Variants in WWP2 observed in about 807,000 individuals in gnomAD.
WWP2 encodes NEDD4-like E3 ubiquitin-protein ligase WWP2.
In WWP2, 57 loss-of-function variants were observed where a neutral mutation model predicts 121.0. That is an observed-to-expected ratio of 0.47 (90% CI 0.38 to 0.59). WWP2 has a LOEUF of 0.59. Among genes scored for constraint, WWP2 ranks in the 20% least tolerant of loss-of-function variants. WWP2 has a pLI of 0.00. For missense variants in WWP2, 962 were observed against 1,158.9 expected (o/e 0.83, Z 2.47); for synonymous variants, 449 against 441.3 (o/e 1.02, Z -0.22).
At chr16:69,859,949 G>A (rs2057386847) in intron 6 of WWP2, among the ~76,000 whole-genome samples, 1 of 150,770 alleles carries the variant, frequency 6.6e-6, no homozygotes, top group African/African-American at 2.4e-5. Flanking sequence ...ACTCAAGGGT[G>A]TGGCACCTTG....
chr16:69,865,716 T>C (rs2057509062), intron 6 of WWP2, among the ~76,000 whole-genome samples: 1 of 152,262 alleles, frequency 6.6e-6, no homozygotes, highest in Non-Finnish European at 1.5e-5. Context: ...GTTTGTTACA[T>C]GTGTCCCTTG....
intron 18 of WWP2, 102 bp from the exon 19 acceptor site, chr16:69,936,210 A>G: frequency 6.4e-7 from 1 of 1,551,918 alleles, no homozygotes; most frequent in Non-Finnish European, 8.8e-7. Flanking sequence ...TCAGGATTCT[A>G]GGCCACCTGT....
intron 6 of WWP2, among the ~76,000 whole-genome samples, chr16:69,860,519 TG>T (rs1349340443): frequency 6.6e-6 from 1 of 152,212 alleles, no homozygotes; most frequent in African/African-American, 2.4e-5. Flanking sequence ...GACTGAGATT[TG>T]GCCTAGGAAT....
chr16:69,898,497 A>G (rs1236681309), intron 8 of WWP2, among the ~76,000 whole-genome samples: 2 of 152,214 alleles, frequency 1.3e-5, no homozygotes. Context: ...GGTTCGTTTC[A>G]TGTGGGCCAG....
chr16:69,808,223 A>G (rs2056319985), intron 4 of WWP2, among the ~76,000 whole-genome samples: 1 of 151,340 alleles, frequency 6.6e-6, no homozygotes, highest in Non-Finnish European at 1.5e-5. Flanking sequence ...TTCATTTTAT[A>G]TCTTTGAGAT....
chr16:69,893,875 C>T (rs1235313930), intron 8 of WWP2, among the ~76,000 whole-genome samples: 9 of 151,962 alleles, frequency 5.9e-5, no homozygotes, highest in Non-Finnish European at 1.5e-5. Flanking sequence ...CATAAAGGAT[C>T]GCTCTTCCTG....
At chr16:69,847,034 C>CA in intron 6 of WWP2, among the ~76,000 whole-genome samples, 1 of 152,100 alleles carries the variant, frequency 6.6e-6, no homozygotes, top group Non-Finnish European at 1.5e-5. Context: ...GCTGGGACTA[C>CA]AGGTGTGTGC....
chr16:69,762,945 C>G, intron 1 of WWP2, among the ~76,000 whole-genome samples: 1 of 152,160 alleles, frequency 6.6e-6, no homozygotes, highest in Non-Finnish European at 1.5e-5. Context: ...CGTCTTGCTT[C>G]CCTCGCGCCC....
chr16:69,870,640 A>G (rs955134463), intron 6 of WWP2, among the ~76,000 whole-genome samples: 41 of 152,264 alleles, frequency 2.7e-4, no homozygotes, highest in African/African-American at 8.9e-4. Flanking sequence ...CCCATGTTGC[A>G]TGGTACAAAT....
At position 69,857,013 on chromosome 16, in the gene WWP2, G is replaced by A. The variant is rs541827453; in HGVS notation, c.576-14791G>A. The stretch of plus-strand genomic sequence containing the variant: ...CTGTCACAGTTCATTTATGTTTCTC[G>A]TGATTCTTGATATCTTTAGAGTTGT... On this transcript the variant is annotated intron_variant, in intron 6 of 23. Transcript: ENST00000359154. 5.3e-5 allele frequency among the ~76,000 whole-genome samples: 8 copies of A among 152,090 alleles called. No homozygotes were observed. In the South Asian group the frequency reaches 8.3e-4, roughly 16 times the overall value.
chr16:69,924,095 T>C (rs2058603799), intron 10 of WWP2, among the ~76,000 whole-genome samples: 3 of 152,260 alleles, frequency 2.0e-5, no homozygotes, highest in Admixed American at 6.5e-5. Context: ...GGCCCTGCCC[T>C]GAAAGGGGGC....
chr16:69,857,384 C>T (rs1321647364), intron 6 of WWP2, among the ~76,000 whole-genome samples: 5 of 152,116 alleles, frequency 3.3e-5, no homozygotes, highest in Non-Finnish European at 7.4e-5. Flanking sequence ...TGAGCCACCA[C>T]GCCTGGCGTA....
chr16:69,939,556 C>A, intron 23 of WWP2, 143 bp downstream of exon 23: 1 of 789,688 alleles, frequency 1.3e-6, no homozygotes, highest in Non-Finnish European at 2.0e-6. Flanking sequence ...AGAGATGGGG[C>A]TGTGATGGGC....
chr16:69,930,901 G>T (rs1173171972), intron 13 of WWP2, among the ~76,000 whole-genome samples: 1 of 152,140 alleles, frequency 6.6e-6, no homozygotes, highest in Non-Finnish European at 1.5e-5. Context: ...TAAATAAGAT[G>T]GGATGGGGAG....
intron 6 of WWP2, among the ~76,000 whole-genome samples, chr16:69,869,233 G>A (rs2151913203): frequency 6.6e-6 from 1 of 152,106 alleles, no homozygotes; most frequent in South Asian, 2.1e-4. Context: ...AAGTTAAGGT[G>A]GAAAAAGAGA....
chr16:69,824,113 G>A (rs1404296394), intron 4 of WWP2, among the ~76,000 whole-genome samples: 1 of 152,242 alleles, frequency 6.6e-6, no homozygotes, highest in East Asian at 1.9e-4. Flanking sequence ...CTCCGCACCA[G>A]TCATTCGGGC....
chr16:69,913,224 G>A (rs1285749305), intron 9 of WWP2, among the ~76,000 whole-genome samples: 1 of 150,294 alleles, frequency 6.7e-6, no homozygotes, highest in Non-Finnish European at 1.5e-5. Flanking sequence ...GTAGAGATGG[G>A]GTTTCACCAT....
intron 9 of WWP2, among the ~76,000 whole-genome samples, chr16:69,914,460 A>G (rs182727926): frequency 3.9e-5 from 6 of 152,210 alleles, no homozygotes; most frequent in Non-Finnish European, 7.4e-5. Flanking sequence ...CACAATTCCG[A>G]TGGAAAATGA....
At chr16:69,848,922 G>C (rs1263239601) in intron 6 of WWP2, among the ~76,000 whole-genome samples, 4 of 152,150 alleles carry the variant, frequency 2.6e-5, no homozygotes, top group African/African-American at 9.7e-5. Flanking sequence ...GAGCCTCTTA[G>C]ATAGTTTTCT....
Sources: gnomAD v4.1 joint callset for allele counts (sites outside exome capture counted in the v4.1 genomes callset) on GRCh38, gnomAD v4.1.1 for gene constraint, MANE v1.5 for transcripts, NCBI Gene and HGNC (gene_info 2026-07-23, HGNC 2026-07-21) for gene names.